The following ATAD3B variants were observed in gnomAD, a reference collection of about 807,000 sequenced individuals.
ATAD3B encodes the protein ATPase family AAA domain containing 3B, also known as ATPase family AAA domain-containing protein 3B.
ATAD3B carries 59 observed loss-of-function variants against 70.2 expected under a neutral mutation model. That is an observed-to-expected ratio of 0.84 (90% CI 0.68 to 1.04). ATAD3B has a LOEUF of 1.04. Ranked by LOEUF, ATAD3B falls within the 50% of genes least tolerant of loss-of-function variation. ATAD3B has a pLI of 0.00. For synonymous variants in ATAD3B, 423 were observed against 388.6 expected, an observed-to-expected ratio of 1.09 and a Z score of -1.04; for missense variants, 961 against 913.4, an observed-to-expected ratio of 1.05 and a Z score of -0.67.
intron 15 of ATAD3B, among the ~76,000 whole-genome samples, chr1:1,492,227 C>T (rs976767323): frequency 6.6e-6 from 1 of 151,800 alleles, no homozygotes; most frequent in Non-Finnish European, 1.5e-5. Flanking sequence ...TGGCTCACTC[C>T]TGTAATCCCA....
intron 15 of ATAD3B, among the ~76,000 whole-genome samples, chr1:1,492,998 C>G (rs1486181203): frequency 6.6e-6 from 1 of 151,632 alleles, no homozygotes; most frequent in Non-Finnish European, 1.5e-5. Flanking sequence ...GTAATCCCAG[C>G]TGCTCGGGAG....
rs1622213 is a variant in ATAD3B at position 1,485,777 on chromosome 1, G to A, written c.907-5G>A. 13,443 of 1,610,472 alleles carry A rather than the reference G, an allele frequency of 8.3e-3. 308 individuals carry two copies. Among genetic ancestry groups the A allele is most frequent in the African/African-American group, 0.039 (2,888 of 74,624 alleles). On this transcript the variant is annotated splice_polypyrimidine_tract_variant and splice_region_variant and intron_variant, in intron 8 of 15. Transcript: ENST00000673477. ...CCAATGGTGCTTCCCCTTCCCCTCCGGCAGGTCAGCCGGCGGCTCCTCAGT... is the reference window on the plus strand; with the variant it reads ...CCAATGGTGCTTCCCCTTCCCCTCCAGCAGGTCAGCCGGCGGCTCCTCAGT...
intron 2 of ATAD3B, 123 bp downstream of exon 2, chr1:1,477,473 G>T: frequency 6.7e-7 from 1 of 1,497,958 alleles, no homozygotes; most frequent in Admixed American, 2.0e-5. Flanking sequence ...TGGGGCCAGG[G>T]CCGAGCTTGG....
intron 7 of ATAD3B, 69 bp downstream of exon 7, chr1:1,482,683 C>T (rs1163593071): frequency 6.2e-7 from 1 of 1,609,014 alleles, no homozygotes; most frequent in Non-Finnish European, 8.5e-7. Flanking sequence ...CCTGGAGCCC[C>T]AGGTCCTGTC....
intron 11 of ATAD3B, among the ~76,000 whole-genome samples, chr1:1,487,350 T>G (rs1032333095): frequency 6.6e-6 from 1 of 151,694 alleles, no homozygotes; most frequent in African/African-American, 2.4e-5. Context: ...TAGCCAGGCA[T>G]GGTGGTGGGC....
intron 5 of ATAD3B, 69 bp from the exon 6 acceptor site, chr1:1,482,069 T>C (rs1381339026): frequency 6.4e-7 from 1 of 1,559,036 alleles, no homozygotes; most frequent in African/African-American, 1.4e-5. Flanking sequence ...CGTGGGCCGG[T>C]CCACAGTGTG....
Position 1,489,686 on chromosome 1 carries a change from C to T in ATAD3B, c.1337+412C>T, listed in dbSNP as rs1481783320. On this transcript the variant is annotated intron_variant, in intron 13 of 15. Transcript: ENST00000673477. ...TGAGTTTTCTTGGTCTCCTGGGCCC[C>T]TCCAGCCCCAGTCACGTGTCACACG... The T allele has an allele frequency of 9.9e-6, 13 of 1,318,224 alleles. 1 individual carries two copies. The highest frequency in any genetic ancestry group is 4.5e-5 in the African/African-American group (3 of 66,360). The allele number at this position is 1,318,224 out of a possible 1,614,324, so 81.7% of individuals were successfully genotyped here. A position where few individuals can be genotyped will look rare whatever the true frequency, so the allele number is the denominator to read the frequency against.
chr1:1,488,724 A>G (rs1640370248), intron 12 of ATAD3B, among the ~76,000 whole-genome samples: 2 of 151,872 alleles, frequency 1.3e-5, no homozygotes, highest in Non-Finnish European at 2.9e-5. Context: ...GTGCCACTGC[A>G]CTCCAGACTG....
Position 1,496,171 on chromosome 1 carries a change from T to C in ATAD3B, c.*354T>C, listed in dbSNP as rs1640785316. ...CAAGCCTGTGGCTGGAGCTGGTGTG[T>C]GTTTATCTAATAAAGTCCCACAGGT... On this transcript the variant is annotated 3_prime_UTR_variant, in exon 16 of 16. Transcript: ENST00000673477. The C allele has an allele frequency of 2.8e-6, 3 of 1,054,080 alleles. No individual in the cohort carries two copies. Among genetic ancestry groups the C allele is most frequent in the South Asian group, 8.5e-5 (2 of 23,562 alleles). 65.3% of individuals were successfully genotyped at this position (1,054,080 alleles called of 1,614,324 possible).
chr1:1,493,623 AT>A lies in ATAD3B; in HGVS notation c.1615-1850del, dbSNP rs564219609. 1.9e-3 allele frequency among the ~76,000 whole-genome samples: 285 copies of A among 146,690 alleles called. 5 individuals are homozygous for A. The highest frequency in any genetic ancestry group is 0.014 in the East Asian group (71 of 5,052). ...TGAGCCACTGCAACCGACCAGTTGA[AT>A]TTTTTTTTTTTAATCATAAAAGTGT... On this transcript the variant is annotated intron_variant, in intron 15 of 15. Coordinates refer to ENST00000673477, the MANE Select transcript of ATAD3B (RefSeq NM_031921.6).
intron 7 of ATAD3B, chr1:1,483,253 C>T (rs1282267149): frequency 8.8e-6 from 3 of 339,818 alleles, no homozygotes; most frequent in Non-Finnish European, 1.7e-5. Context: ...CGAGATCCCG[C>T]CACTGCACCC....
At chr1:1,504,059 C>T in the ATAD3B span, among the ~76,000 whole-genome samples, 3 of 151,982 alleles carry the variant, frequency 2.0e-5, no homozygotes, top group East Asian at 1.9e-4. Context: ...GCGTTCTCGG[C>T]TCACTGCAAT....
At position 1,484,995 on chromosome 1, in the gene ATAD3B, A is replaced by G. The variant is rs772506271; in HGVS notation, c.751-21A>G. ...GAGGGACGGTGGGGGCCGGTGCGCC[A>G]GTGCGGTGTCTCTGCTGCAGGTGGC... On this transcript the variant is annotated intron_variant, in intron 7 of 15. Transcript: ENST00000673477. 3.8e-6 allele frequency: 6 copies of G among 1,596,508 alleles called. No homozygotes were observed. In the South Asian group the frequency reaches 4.5e-5, roughly 12 times the overall value.
Position 1,481,111 on chromosome 1 carries a change from G to C in ATAD3B, c.514+175G>C, listed in dbSNP as rs1639889418. Among the ~76,000 whole-genome samples, 2 of 140,866 alleles carry C rather than the reference G, an allele frequency of 1.4e-5. 1 individual carries two copies. The highest frequency in any genetic ancestry group is 5.7e-5 in the African/African-American group (2 of 35,090). 92.4% of individuals were successfully genotyped at this position (140,866 alleles called of 152,430 possible). A position where few individuals can be genotyped will look rare whatever the true frequency, so the allele number is the denominator to read the frequency against. On this transcript the variant is annotated intron_variant, in intron 5 of 15. Transcript: ENST00000673477. The stretch of plus-strand genomic sequence containing the variant: ...CCTCTCGGAAGACACCTCTGTCTGC[G>C]AGTGGACGCCAGGATCTGTTCAGGG...
At chr1:1,475,550 A>G (rs1422860561) in intron 1 of ATAD3B, among the ~76,000 whole-genome samples, 2 of 151,880 alleles carry the variant, frequency 1.3e-5, no homozygotes, top group African/African-American at 4.8e-5. Flanking sequence ...CCTTGAGGCT[A>G]TAGCCCCATG....
chr1:1,482,391 G>A, intron 6 of ATAD3B, 88 bp downstream of exon 6: 3 of 1,582,072 alleles, frequency 1.9e-6, no homozygotes, highest in Non-Finnish European at 1.7e-6. Flanking sequence ...GCTCTTCCAG[G>A]CCTGGCCGCC....
At position 1,489,434 on chromosome 1, in the gene ATAD3B, C is replaced by T. The variant is rs925980623; in HGVS notation, c.1337+160C>T. The T allele has an allele frequency of 3.0e-5, 39 of 1,319,418 alleles. 1 individual carries two copies. Among genetic ancestry groups the T allele is most frequent in the African/African-American group, 1.0e-4 (7 of 67,978 alleles). The allele number at this position is 1,319,418 out of a possible 1,614,324, so 81.7% of individuals were successfully genotyped here. ...GGGAACGGCCCAGCTCGGGACAGCA[C>T]GGGGTGTCATTGAGGAACATGCAGG... On this transcript the variant is annotated intron_variant, in intron 13 of 15. Transcript: ENST00000673477.
At chr1:1,509,199 C>A in the ATAD3B span, 1 of 1,612,456 alleles carries the variant, frequency 6.2e-7, no homozygotes, top group East Asian at 2.2e-5. Context: ...CCTCTCTCCC[C>A]ACTAGGCCAC....
Position 1,478,624 on chromosome 1 carries a change from G to T in ATAD3B, c.283-20G>T. 18 of 1,548,920 alleles carry T rather than the reference G, an allele frequency of 1.2e-5. No individual in the cohort carries two copies. The highest frequency in any genetic ancestry group is 1.6e-5 in the Non-Finnish European group (18 of 1,146,144). On this transcript the variant is annotated intron_variant, in intron 2 of 15. Transcript: ENST00000673477. ...GCCAGCCCTGAGCAAGTGCCAGCTG[G>T]TGAGTGCTGTGCTCTGCAGGAGTAT...
Sources: allele counts gnomAD v4.1 joint callset (sites outside exome capture counted in the v4.1 genomes callset), GRCh38; gene constraint gnomAD v4.1.1; transcripts MANE v1.5; gene names NCBI Gene and HGNC (gene_info 2026-07-23, HGNC 2026-07-21).